PHRF1: variants seen among roughly 807,000 people sequenced by gnomAD.
PHRF1 encodes PHD and RING finger domain-containing protein 1.
PHRF1 carries 53 observed loss-of-function variants against 128.9 expected under a neutral mutation model. That is an observed-to-expected ratio of 0.41 (90% CI 0.33 to 0.52). The LOEUF (loss-of-function observed/expected upper bound fraction) is 0.52, where lower values mean the gene tolerates loss of function less well. Among genes scored for constraint, PHRF1 ranks in the 20% least tolerant of loss-of-function variants. PHRF1 has a pLI of 0.21. For missense variants in PHRF1, 2,503 were observed against 2,284.5 expected, an observed-to-expected ratio of 1.10 and a Z score of -1.95; for synonymous variants, 1,178 against 980.6, an observed-to-expected ratio of 1.20 and a Z score of -3.76.
Position 607,742 on chromosome 11 carries a change from G to A in PHRF1, c.2286G>A (p.Leu762=), listed in dbSNP as rs1178990846. The A allele has an allele frequency of 3.1e-6, 5 of 1,612,222 alleles. No homozygotes were observed. The highest frequency in any genetic ancestry group is 4.2e-6 in the Non-Finnish European group (5 of 1,179,648). ...GCTCCCATGGCAGTTTGGCCCCACTGGGACCATCAAGAGGGAAAGGGGTCG... is the reference window on the plus strand; with the variant it reads ...GCTCCCATGGCAGTTTGGCCCCACTAGGACCATCAAGAGGGAAAGGGGTCG... ...APSSHGSLAP[L]GPSRGKGVGS... Residue 762 remains leucine (L), a synonymous_variant, in exon 14 of 18, where the codon CTG becomes CTA. Coordinates refer to ENST00000264555, the MANE Select transcript of PHRF1 (RefSeq NM_001286581.2).
chr11:582,140 C>T, intron 3 of PHRF1, 59 bp downstream of exon 3: 1 of 1,548,108 alleles, frequency 6.5e-7, no homozygotes, highest in Admixed American at 2.0e-5. Context: ...ATGGGGACAG[C>T]CTTTTATAAC....
At position 583,253 on chromosome 11, in the gene PHRF1, T is replaced by C. The variant is rs369170553; in HGVS notation, c.214+1172T>C. 4.6e-5 allele frequency among the ~76,000 whole-genome samples: 7 copies of C among 151,530 alleles called. No individual in the cohort carries two copies. In the East Asian group the frequency reaches 1.4e-3, roughly 30 times the overall value. The stretch of plus-strand genomic sequence containing the variant: ...ACTTGGGAGGCTGAGGCAGGAGAAT[T>C]GCTGGAACCCGGGAGTCGGAGGTTG... On this transcript the variant is annotated intron_variant, in intron 3 of 17. Coordinates refer to ENST00000264555, the MANE Select transcript of PHRF1 (RefSeq NM_001286581.2).
Position 608,697 on chromosome 11 carries a change from C to A in PHRF1, c.3241C>A (p.Pro1081Thr). ...CAAGAGCAGGGAGCACAGGCGGGGC[C>A]CCTGGGGCCACAGCCGGAGGACGTC... ...KDKSREHRRG[P>T]WGHSRRTSRS... Residue 1081 changes from proline to threonine, a missense_variant, in exon 14 of 18, where the codon CCC becomes ACC. Pro to Thr is a conservative substitution (Grantham distance 38). Transcript: ENST00000264555. The A allele has an allele frequency of 2.5e-6, 4 of 1,611,648 alleles. No individual in the cohort carries two copies. Among genetic ancestry groups the A allele is most frequent in the Non-Finnish European group, 2.5e-6 (3 of 1,179,528 alleles).
At chr11:602,682 A>G (rs1197022399) in intron 10 of PHRF1, among the ~76,000 whole-genome samples, 1 of 152,074 alleles carries the variant, frequency 6.6e-6, no homozygotes, top group African/African-American at 2.4e-5. Context: ...ACTCTGCCTC[A>G]AAAACAAAAC....
rs763563770 is a variant in PHRF1, at chr11:607,053, T to C, written c.1610-13T>C. The stretch of plus-strand genomic sequence containing the variant: ...GGTGGGAAATGATTGCCATTGACTT[T>C]TTTGTTTTTTAGCTCCAGTTTCTTT... On this transcript the variant is annotated splice_polypyrimidine_tract_variant and intron_variant, in intron 13 of 17. Coordinates refer to ENST00000264555, the MANE Select transcript of PHRF1 (RefSeq NM_001286581.2). The C allele has an allele frequency of 2.8e-5, 44 of 1,546,402 alleles. No individual in the cohort carries two copies. The highest frequency in any genetic ancestry group is 3.6e-5 in the Non-Finnish European group (41 of 1,146,346).
intron 3 of PHRF1, among the ~76,000 whole-genome samples, chr11:583,121 A>G (rs1001444083): frequency 5.9e-5 from 9 of 151,586 alleles, no homozygotes; most frequent in Non-Finnish European, 1.0e-4. Flanking sequence ...CGGGCGGATC[A>G]GGAGGTCAGG....
At chr11:581,054 C>T (rs905464439) in intron 1 of PHRF1, among the ~76,000 whole-genome samples, 3 of 151,912 alleles carry the variant, frequency 2.0e-5, no homozygotes, top group Admixed American at 1.3e-4. Flanking sequence ...AAACTCCCGA[C>T]CTCAGGTGAT....
At chr11:582,293 G>A (rs1854254662) in intron 3 of PHRF1, among the ~76,000 whole-genome samples, 1 of 142,960 alleles carries the variant, frequency 7.0e-6, no homozygotes. Context: ...GAGACAGGGT[G>A]TCGCTCTGTT....
chr11:587,159 C>T, intron 3 of PHRF1, 100 bp from the exon 4 acceptor site: 1 of 1,161,106 alleles, frequency 8.6e-7, no homozygotes, highest in Non-Finnish European at 1.2e-6. Flanking sequence ...CTGTGCATTG[C>T]CGACCTGGTG....
rs866608739 is a variant in PHRF1, at chr11:607,270, C to T, written c.1814C>T (p.Pro605Leu). 4 of 1,612,546 alleles carry T rather than the reference C, an allele frequency of 2.5e-6. No homozygotes were observed. Among genetic ancestry groups the T allele is most frequent in the African/African-American group, 1.3e-5 (1 of 74,950 alleles). Residue 605 changes from proline (P) to leucine (L), a missense_variant, in exon 14 of 18, where the codon CCA becomes CTA. Coordinates refer to ENST00000264555, the MANE Select transcript of PHRF1 (RefSeq NM_001286581.2). ...GGGGCGCCTGTGAGGCTGGACTTGCCAGCAGCCCCTGGGGCGGTTCAGGCT... is the reference window on the plus strand; with the variant it reads ...GGGGCGCCTGTGAGGCTGGACTTGCTAGCAGCCCCTGGGGCGGTTCAGGCT... ...TAGAPVRLDL[P>L]AAPGAVQARN...
In PHRF1 at chr11:609,538, C is replaced by A; in HGVS notation, c.4082C>A (p.Pro1361Gln). 1.9e-6 allele frequency: 3 copies of A among 1,599,878 alleles called. No individual in the cohort carries two copies. Among genetic ancestry groups the A allele is most frequent in the African/African-American group, 1.3e-5 (1 of 74,878 alleles). The change falls in exon 14 of 18, where the codon CCG becomes CAG. Residue 1361 changes from proline (P) to glutamine (Q), a missense_variant. Pro to Gln is a moderately conservative substitution (Grantham distance 76). Coordinates refer to ENST00000264555, the MANE Select transcript of PHRF1 (RefSeq NM_001286581.2). ...AAEKAEAPSS[P>Q]DVAPAGKEDS... ...GAGAAGGCTGAGGCACCCAGTTCCC[C>A]GGATGTGGCGCCTGCGGGGAAGGAA... is the stretch of plus-strand genomic sequence containing the variant.
chr11:607,143 G>A lies in PHRF1; in HGVS notation c.1687G>A (p.Ala563Thr), dbSNP rs1855998435. ...ATTCAAGGGCTGCCTGCAGCCCCGAGCACTGCCCTCCGGGAGCCCGGCCCA... is the reference window on the plus strand; with the variant it reads ...ATTCAAGGGCTGCCTGCAGCCCCGAACACTGCCCTCCGGGAGCCCGGCCCA... Reference protein sequence around the residue: ...EGFKGCLQPRALPSGSPAQGP... With the variant: ...EGFKGCLQPRTLPSGSPAQGP... The change falls in exon 14 of 18, where the codon GCA becomes ACA. Residue 563 changes from alanine (A) to threonine (T), a missense_variant. Coordinates refer to ENST00000264555, the MANE Select transcript of PHRF1 (RefSeq NM_001286581.2). The A allele has an allele frequency of 6.2e-7, 1 of 1,612,924 alleles. No homozygotes were observed. Among genetic ancestry groups the A allele is most frequent in the Admixed American group, 1.7e-5 (1 of 60,006 alleles).
rs1387742422 is a variant in PHRF1 at position 576,505 on chromosome 11, A to AGGCGGC, written c.-102_-97dup. ...GTCGAAGAGCGCACGGCGGCGGCAG[A>AGGCGGC]GGCGGCGGCGGCCGGGCCTAGGAGC... On this transcript the variant is annotated 5_prime_UTR_variant, in exon 1 of 18. Transcript: ENST00000264555. The AGGCGGC allele has an allele frequency of 6.5e-6, 1 of 152,804 alleles. No homozygotes were observed. The highest frequency in any genetic ancestry group is 6.6e-5 in the Admixed American group (1 of 15,258). 9.5% of individuals were successfully genotyped at this position (152,804 alleles called of 1,614,324 possible). A position where few individuals can be genotyped will look rare whatever the true frequency, so the allele number is the denominator to read the frequency against.
chr11:595,807 C>T (rs1418612948), intron 6 of PHRF1, among the ~76,000 whole-genome samples: 1 of 152,238 alleles, frequency 6.6e-6, no homozygotes, highest in Non-Finnish European at 1.5e-5. Context: ...GAAGGTACTG[C>T]TCATCCTTGC....
chr11:592,632 A>C lies in PHRF1; in HGVS notation c.578A>C (p.Asp193Ala). Residue 193 changes from aspartate (D) to alanine (A), a missense_variant, in exon 6 of 18, where the codon GAC becomes GCC. Physicochemically the swap from Asp to Ala is moderately radical, Grantham distance 126. Coordinates refer to ENST00000264555, the MANE Select transcript of PHRF1 (RefSeq NM_001286581.2). ...TTCTGTGAGGTGTGCGGCAGGAGCG[A>C]CCGTGAGGACAGGCTTTTGCTCTGC... Reference protein sequence around the residue: ...PTFCEVCGRSDREDRLLLCDG... With the variant: ...PTFCEVCGRSAREDRLLLCDG... 3 of 1,614,056 alleles carry C rather than the reference A, an allele frequency of 1.9e-6. No individual in the cohort carries two copies. The highest frequency in any genetic ancestry group is 2.5e-6 in the Non-Finnish European group (3 of 1,179,896).
In PHRF1 at chr11:611,815, G is replaced by T. The variant is rs1270871863; in HGVS notation, c.*38G>T. 3 of 1,555,812 alleles carry T rather than the reference G, an allele frequency of 1.9e-6. No homozygotes were observed. In the African/African-American group the frequency reaches 4.1e-5, roughly 21 times the overall value. Reference sequence around the variant, plus strand: ...ACGGGCTATGCCCGGGGAGCTGTCGGGAGTGGCGGGAATCGGGGCCATGCC... The same window carrying T: ...ACGGGCTATGCCCGGGGAGCTGTCGTGAGTGGCGGGAATCGGGGCCATGCC... On this transcript the variant is annotated 3_prime_UTR_variant, in exon 18 of 18. Transcript: ENST00000264555.
In PHRF1 at chr11:590,513, G is replaced by A. The variant is rs150799342; in HGVS notation, c.421-871G>A. On this transcript the variant is annotated intron_variant, in intron 4 of 17. Transcript: ENST00000264555. ...AGTCAGGTGGGAGAGGGAAGGGCCC[G>A]AAGACCAGGGTGGGTACTCCACAGG... Among the ~76,000 whole-genome samples the A allele has an allele frequency of 4.6e-3, 702 of 152,274 alleles. 10 individuals are homozygous for A. The highest frequency in any genetic ancestry group is 0.017 in the Admixed American group (255 of 15,302).
chr11:585,008 G>C (rs1854445212), intron 3 of PHRF1, among the ~76,000 whole-genome samples: 1 of 152,194 alleles, frequency 6.6e-6, no homozygotes, highest in Admixed American at 6.5e-5. Context: ...AAAGTGCTGG[G>C]ATGACAGGCA....
In PHRF1 at chr11:608,437, G is replaced by A. The variant is rs371866060; in HGVS notation, c.2981G>A (p.Arg994His). ...GAGCTCAGGCCCCCTTCCCGGTCCC[G>A]CTCCACATCCAGCTCCCGCAGCAGG... The part of the protein sequence containing the change: ...VVELRPPSRS[R>H]STSSSRSRKK... Residue 994 changes from arginine (R) to histidine (H), a missense_variant, in exon 14 of 18, where the codon CGC becomes CAC. Arg to His is a conservative substitution (Grantham distance 29). Transcript: ENST00000264555. 37 of 1,611,644 alleles carry A rather than the reference G, an allele frequency of 2.3e-5. No individual in the cohort carries two copies. Among genetic ancestry groups the A allele is most frequent in the Non-Finnish European group, 3.0e-5 (35 of 1,179,592 alleles).
Sources: allele counts gnomAD v4.1 joint callset (sites outside exome capture counted in the v4.1 genomes callset), GRCh38; gene constraint gnomAD v4.1.1; transcripts MANE v1.5; gene names NCBI Gene and HGNC (gene_info 2026-07-23, HGNC 2026-07-21).